DDX43: variants seen among roughly 807,000 people sequenced by gnomAD.
DDX43 encodes the protein probable ATP-dependent RNA helicase DDX43.
DDX43 carries 50 observed loss-of-function variants against 84.9 expected under a neutral mutation model. The ratio of observed to expected loss-of-function variants is 0.59; its 90% CI spans 0.47 to 0.75. The LOEUF (loss-of-function observed/expected upper bound fraction) is 0.75. Ranked by LOEUF, DDX43 falls within the 30% of genes least tolerant of loss-of-function variation. DDX43 has a pLI of 0.00. For synonymous variants in DDX43, 291 were observed against 266.3 expected (o/e 1.09, Z -0.90); for missense variants, 689 against 798.6 (o/e 0.86, Z 1.65).
chr6:73,398,744 T>C (rs1769517488), intron 2 of DDX43, among the ~76,000 whole-genome samples: 1 of 152,208 alleles, frequency 6.6e-6, no homozygotes, highest in Non-Finnish European at 1.5e-5. Flanking sequence ...TCTTAGTGAA[T>C]GGTAGCAACA....
chr6:73,401,716 G>T (rs944157068), intron 3 of DDX43, 143 bp from the exon 4 acceptor site: 5 of 696,452 alleles, frequency 7.2e-6, no homozygotes, highest in Non-Finnish European at 1.1e-5. Context: ...GCAAGAGAAT[G>T]GCGGGAACCC....
chr6:73,412,116 T>C, intron 10 of DDX43, 89 bp from the exon 11 acceptor site: 1 of 1,132,580 alleles, frequency 8.8e-7, no homozygotes, highest in Non-Finnish European at 1.3e-6. Flanking sequence ...AAATTTGTCT[T>C]TCATGAGTAA....
chr6:73,416,575 G>A (rs1389285108), intron 16 of DDX43, among the ~76,000 whole-genome samples: 1 of 152,156 alleles, frequency 6.6e-6, no homozygotes, highest in Non-Finnish European at 1.5e-5. Flanking sequence ...TGAACCTTGA[G>A]GACATTATGC....
chr6:73,415,711 C>T (rs1321291650), intron 15 of DDX43, 127 bp downstream of exon 15: 3 of 629,370 alleles, frequency 4.8e-6, no homozygotes, highest in South Asian at 2.3e-5. Context: ...AGGGCTTTAG[C>T]ATGGCAGTGA....
At chr6:73,396,299 G>A (rs1769469897) in intron 1 of DDX43, among the ~76,000 whole-genome samples, 1 of 152,138 alleles carries the variant, frequency 6.6e-6, no homozygotes, top group Non-Finnish European at 1.5e-5. Flanking sequence ...TTACCCCATT[G>A]ATTGCCATTA....
At chr6:73,414,499 G>C in intron 13 of DDX43, 49 bp from the exon 14 acceptor site, 1 of 1,462,438 alleles carries the variant, frequency 6.8e-7, no homozygotes, top group East Asian at 2.3e-5. Flanking sequence ...TAGATCTTGG[G>C]TTGGTTTATA....
intron 2 of DDX43, chr6:73,397,977 TA>T (rs1403464940): frequency 1.8e-5 from 6 of 332,188 alleles, no homozygotes; most frequent in South Asian, 6.9e-5. Context: ...TATTTTATTT[TA>T]TTTTTTTATT....
At chr6:73,405,168 A>C (rs1416000140) in intron 5 of DDX43, among the ~76,000 whole-genome samples, 2 of 152,082 alleles carry the variant, frequency 1.3e-5, no homozygotes, top group Non-Finnish European at 2.9e-5. Context: ...AGTCCTTGCT[A>C]CCTGAAATTG....
At chr6:73,413,431 A>C (rs948255009) in intron 11 of DDX43, 1 of 322,308 alleles carries the variant, frequency 3.1e-6, no homozygotes, top group Admixed American at 4.8e-5. Flanking sequence ...GATTAGAGAC[A>C]AATAGTTGGT....
rs772143569 is a variant in DDX43 at position 73,412,281 on chromosome 6, T to C, written c.1357T>C (p.Leu453=). 4.4e-6 allele frequency: 7 copies of C among 1,606,668 alleles called. No individual in the cohort carries two copies. Among genetic ancestry groups the C allele is most frequent in the African/African-American group, 1.3e-5 (1 of 74,520 alleles). Residue 453 remains leucine, a synonymous_variant, in exon 11 of 17, where the codon TTG becomes CTG. Transcript: ENST00000370336. ...KEPMIVYVGT[L]DLVAVSSVKQ... ...ACCAATGATTGTCTATGTTGGTACA[T>C]TGGATCTAGTTGTAAGCTTTTTTTT...
rs1769893449 is a variant in DDX43, at chr6:73,416,100, T to C, written c.1834-13T>C. On this transcript the variant is annotated splice_polypyrimidine_tract_variant and intron_variant, in intron 15 of 16. Transcript: ENST00000370336. The stretch of plus-strand genomic sequence containing the variant: ...ACTCAGAATCCTAATAACAACACGT[T>C]GAATAATTTCAGAGTATTCCAGAGG... The C allele has an allele frequency of 1.5e-5, 20 of 1,332,008 alleles. No homozygotes were observed. The highest frequency in any genetic ancestry group is 2.2e-5 in the Non-Finnish European group (20 of 924,852). 82.5% of individuals were successfully genotyped at this position (1,332,008 alleles called of 1,614,324 possible). A position where few individuals can be genotyped will look rare whatever the true frequency, so the allele number is the denominator to read the frequency against.
intron 1 of DDX43, among the ~76,000 whole-genome samples, chr6:73,396,854 T>G (rs1769484103): frequency 6.6e-6 from 1 of 152,224 alleles, no homozygotes. Flanking sequence ...TCTCTAAGAA[T>G]AATATCCTCC....
At position 73,394,968 on chromosome 6, in the gene DDX43, G is replaced by T. The variant is rs1156954718; in HGVS notation, c.63G>T (p.Ser21=). The T allele has an allele frequency of 6.2e-7, 1 of 1,614,152 alleles. No homozygotes were observed. Among genetic ancestry groups the T allele is most frequent in the Non-Finnish European group, 8.5e-7 (1 of 1,180,050 alleles). ...GGGTCGTTGCTAGTCGGCGAAGCTC[G>T]ACAGTGTCCCGAGCGCCAGAGAGGA... ...STWVVASRRS[S]TVSRAPERRP... is the part of the protein sequence containing the mutation. Residue 21 remains serine, a synonymous_variant, in exon 1 of 17, where the codon TCG becomes TCT. Coordinates refer to ENST00000370336, the MANE Select transcript of DDX43 (RefSeq NM_018665.3).
chr6:73,407,471 A>T, intron 7 of DDX43, 34 bp from the exon 8 acceptor site: 1 of 1,396,590 alleles, frequency 7.2e-7, no homozygotes, highest in Non-Finnish European at 1.0e-6. Context: ...ATCTGAGACA[A>T]GTAATTTAAT....
rs375503928 is a variant in DDX43, at chr6:73,413,696, C to T, written c.1407C>T (p.Thr469=). The part of the protein sequence containing the change: ...SSVKQNIIVT[T]EEEKWSHMQT... ...TGAAGCAAAATATAATTGTAACCAC[C>T]GAGGAAGAGAAATGGAGTCACATGC... is the stretch of plus-strand genomic sequence containing the variant. The change falls in exon 12 of 17, where the codon ACC becomes ACT. Residue 469 remains threonine, a synonymous_variant. Coordinates refer to ENST00000370336, the MANE Select transcript of DDX43 (RefSeq NM_018665.3). 128 of 1,613,280 alleles carry T rather than the reference C, an allele frequency of 7.9e-5. No individual in the cohort carries two copies. The highest frequency in any genetic ancestry group is 1.0e-4 in the Non-Finnish European group (119 of 1,179,712).
In DDX43 at chr6:73,400,328, AG is replaced by A; in HGVS notation, c.402del (p.Lys134AsnfsTer2). ...AKAVIDNFVK[K>X]LEENYNSECG... The stretch of plus-strand genomic sequence containing the variant: ...GCAGTGATAGACAATTTTGTTAAAA[AG>A]CTAGAAGAAAATTACAATTCAGAAT... On this transcript the variant is annotated frameshift_variant, in exon 3 of 17. Coordinates refer to ENST00000370336, the MANE Select transcript of DDX43 (RefSeq NM_018665.3). LOFTEE classifies it high-confidence loss of function. 6.2e-7 allele frequency: 1 copy of A among 1,608,046 alleles called. No homozygotes were observed. Among genetic ancestry groups the A allele is most frequent in the African/African-American group, 1.3e-5 (1 of 74,754 alleles).
chr6:73,397,434 G>A (rs1769494000), intron 1 of DDX43, among the ~76,000 whole-genome samples: 1 of 152,146 alleles, frequency 6.6e-6, no homozygotes. Context: ...CTCTCCACCA[G>A]TTTGGACCCA....
intron 16 of DDX43, among the ~76,000 whole-genome samples, 155 bp from the exon 17 acceptor site, chr6:73,417,032 T>A (rs565227946): frequency 6.6e-6 from 1 of 152,268 alleles, no homozygotes; most frequent in East Asian, 1.9e-4. Context: ...GGACGCTGTC[T>A]CCAGTTTTGG....
In DDX43 at chr6:73,407,488, C is replaced by T. The variant is rs1769706078; in HGVS notation, c.927-17C>T. 1 of 1,498,086 alleles carries T rather than the reference C, an allele frequency of 6.7e-7. No homozygotes were observed. The highest frequency in any genetic ancestry group is 9.3e-7 in the Non-Finnish European group (1 of 1,079,782). The allele number at this position is 1,498,086 out of a possible 1,614,324, so 92.8% of individuals were successfully genotyped here. On this transcript the variant is annotated splice_polypyrimidine_tract_variant and intron_variant, in intron 7 of 16. Transcript: ENST00000370336. ...CTGAGACAAGTAATTTAATATTAATCTGTTTTCTCTCCAAAGCCTTAAAGG... is the reference window on the plus strand; with the variant it reads ...CTGAGACAAGTAATTTAATATTAATTTGTTTTCTCTCCAAAGCCTTAAAGG...
Sources: gnomAD v4.1 joint callset for allele counts (sites outside exome capture counted in the v4.1 genomes callset) on GRCh38, gnomAD v4.1.1 for gene constraint, MANE v1.5 for transcripts, NCBI Gene and HGNC (gene_info 2026-07-23, HGNC 2026-07-21) for gene names.